RSRC2: variants seen among roughly 807,000 people sequenced by gnomAD.
The protein encoded by RSRC2 is arginine/serine-rich coiled-coil protein 2.
A neutral mutation model predicts 61.3 loss-of-function variants in RSRC2; 5 were observed. That is an observed-to-expected ratio of 0.08 (90% confidence interval 0.04 to 0.17). The LOEUF (loss-of-function observed/expected upper bound fraction) is 0.17, where lower values mean the gene tolerates loss of function less well. RSRC2 is among the 10% of genes least tolerant of loss of function. RSRC2 has a pLI of 1.00. For synonymous variants in RSRC2, 202 were observed against 166.5 expected (o/e 1.21, Z -1.64); for missense variants, 381 against 518.8 (o/e 0.73, Z 2.58).
At chr12:122,511,300 T>A (rs1593373153) in intron 6 of RSRC2, 112 bp from the exon 7 acceptor site, 1 of 678,950 alleles carries the variant, frequency 1.5e-6, no homozygotes, top group East Asian at 2.9e-5. Flanking sequence ...AATTTTAAAT[T>A]TTTAGCATCC....
chr12:122,506,599 G>A, intron 9 of RSRC2: 1 of 417,972 alleles, frequency 2.4e-6, no homozygotes, highest in Non-Finnish European at 4.3e-6. Context: ...GACAGAGCAA[G>A]CAGAGCAAAA....
chr12:122,526,223 G>A (rs879262928), intron 1 of RSRC2: 1 of 152,282 alleles, frequency 6.6e-6, no homozygotes, highest in East Asian at 1.9e-4. Flanking sequence ...TTCGGAAACC[G>A]CGCATCAGTC....
chr12:122,516,598 A>G (rs1958946896), intron 5 of RSRC2, among the ~76,000 whole-genome samples: 1 of 152,258 alleles, frequency 6.6e-6, no homozygotes, highest in East Asian at 1.9e-4. Flanking sequence ...AATAACATGC[A>G]AGGAGTTCTA....
At chr12:122,522,433 T>G in intron 1 of RSRC2, 134 bp from the exon 2 acceptor site, 1 of 836,010 alleles carries the variant, frequency 1.2e-6, no homozygotes, top group Non-Finnish European at 1.8e-6. Context: ...TCCAAGTAAC[T>G]AAATGTGCTT....
chr12:122,524,307 A>G (rs1959724800), intron 1 of RSRC2, among the ~76,000 whole-genome samples: 1 of 151,834 alleles, frequency 6.6e-6, no homozygotes, highest in Non-Finnish European at 1.5e-5. Flanking sequence ...TTACTTGCTG[A>G]GTGTTTGTAC....
chr12:122,504,648 T>A lies in RSRC2; in HGVS notation c.*879A>T, dbSNP rs886933983. On this transcript the variant is annotated 3_prime_UTR_variant, in exon 10 of 10. Coordinates refer to ENST00000331738, the MANE Select transcript of RSRC2 (RefSeq NM_023012.6). ...GTCTCAAAAAAACAAACAAAAAAAA[T>A]TTCTAATATTTTAATATTTTATAGT... 2 of 152,488 alleles carry A rather than the reference T, an allele frequency of 1.3e-5. No individual in the cohort carries two copies. The highest frequency in any genetic ancestry group is 1.9e-4 in the East Asian group (1 of 5,196). The allele number at this position is 152,488 out of a possible 1,614,324, so 9.4% of individuals were successfully genotyped here.
At chr12:122,519,125 G>T (rs1959137824) in intron 3 of RSRC2, 96 bp from the exon 4 acceptor site, 1 of 928,764 alleles carries the variant, frequency 1.1e-6, no homozygotes, top group South Asian at 1.4e-5. Flanking sequence ...TGCAACATTA[G>T]TAACCTTAGG....
chr12:122,525,808 T>TCAGTGACAAGAC (rs1960165706), intron 1 of RSRC2, among the ~76,000 whole-genome samples: 1 of 15,786 alleles, frequency 6.3e-5, no homozygotes, highest in Admixed American at 4.2e-4. Flanking sequence ...AGAGTTTTTT[T>TCAGTGACAAGAC]TTTTTTTTTT....
intron 3 of RSRC2, chr12:122,519,324 T>C (rs1959153037): frequency 3.2e-6 from 1 of 315,050 alleles, no homozygotes; most frequent in Non-Finnish European, 6.0e-6. Context: ...AGGAATCCCT[T>C]ATGTTTATCT....
chr12:122,511,217 A>G lies in RSRC2; in HGVS notation c.726-29T>C, dbSNP rs760334890. 8 of 1,491,306 alleles carry G rather than the reference A, an allele frequency of 5.4e-6. No homozygotes were observed. In the African/African-American group the frequency reaches 7.0e-5, roughly 13 times the overall value. The allele number at this position is 1,491,306 out of a possible 1,614,324, so 92.4% of individuals were successfully genotyped here. ...CAAAATTAATTTCAATGAATTTAAA[A>G]TAACACAATATAAAACCATTATGTA... On this transcript the variant is annotated intron_variant, in intron 6 of 9. Transcript: ENST00000331738.
intron 1 of RSRC2, chr12:122,523,802 G>A (rs892263031): frequency 2.0e-5 from 3 of 150,832 alleles, no homozygotes; most frequent in African/African-American, 5.0e-5. Context: ...GAAGTTGTGA[G>A]AGGTCGAGTT....
At chr12:122,519,097 T>G (rs747503217) in intron 3 of RSRC2, 68 bp from the exon 4 acceptor site, 1 of 1,313,004 alleles carries the variant, frequency 7.6e-7, no homozygotes, top group African/African-American at 1.5e-5. Flanking sequence ...TGGGTATCAG[T>G]AGACAAAAAT....
chr12:122,523,949 T>C (rs1959648087), intron 1 of RSRC2, among the ~76,000 whole-genome samples: 2 of 152,206 alleles, frequency 1.3e-5, no homozygotes, highest in Non-Finnish European at 2.9e-5. Flanking sequence ...GTGTTATTCC[T>C]CTAACAATGG....
chr12:122,521,975 TG>T, intron 2 of RSRC2, among the ~76,000 whole-genome samples, 167 bp downstream of exon 2: 1 of 152,320 alleles, frequency 6.6e-6, no homozygotes, highest in Non-Finnish European at 1.5e-5. Flanking sequence ...TTTGTATTTT[TG>T]GTCCTGGCTC....
chr12:122,525,628 T>C (rs1467668545), intron 1 of RSRC2, among the ~76,000 whole-genome samples: 1 of 152,188 alleles, frequency 6.6e-6, no homozygotes, highest in East Asian at 1.9e-4. Flanking sequence ...TGATGTAATT[T>C]TTTAGTCAGT....
chr12:122,511,236 TTATG>T (rs1219859563), intron 6 of RSRC2, 48 bp from the exon 7 acceptor site: 2 of 1,391,418 alleles, frequency 1.4e-6, no homozygotes, highest in African/African-American at 2.9e-5. Context: ...TATAAAACCA[TTATG>T]TATATATCTC....
At chr12:122,521,557 C>A in intron 2 of RSRC2, 129 bp from the exon 3 acceptor site, 2 of 736,944 alleles carry the variant, frequency 2.7e-6, no homozygotes, top group Non-Finnish European at 2.4e-6. Flanking sequence ...TTTCATGGCA[C>A]GGGTGGGATT....
rs1051886377 is a variant in RSRC2 at position 122,504,122 on chromosome 12, A to G, written c.*1405T>C. 6.6e-6 allele frequency: 1 copy of G among 152,308 alleles called. No homozygotes were observed. Among genetic ancestry groups the G allele is most frequent in the Middle Eastern group, 3.4e-3 (1 of 294 alleles). The allele number at this position is 152,308 out of a possible 1,614,324, so 9.4% of individuals were successfully genotyped here. A position where few individuals can be genotyped will look rare whatever the true frequency, so the allele number is the denominator to read the frequency against. On this transcript the variant is annotated 3_prime_UTR_variant, in exon 10 of 10. Coordinates refer to ENST00000331738, the MANE Select transcript of RSRC2 (RefSeq NM_023012.6). ...AAAAATACCTAATGAGCAAGTTGGC[A>G]AGACTTAATTCCAGCTTTTAAAATA... is the stretch of plus-strand genomic sequence containing the variant.
At position 122,503,618 on chromosome 12, in the gene RSRC2, T is replaced by C. The variant is rs1255307043; in HGVS notation, c.*1909A>G. 1 of 152,182 alleles carries C rather than the reference T, an allele frequency of 6.6e-6. No individual in the cohort carries two copies. Among genetic ancestry groups the C allele is most frequent in the Non-Finnish European group, 1.5e-5 (1 of 68,024 alleles). 9.4% of individuals were successfully genotyped at this position (152,182 alleles called of 1,614,324 possible). A position where few individuals can be genotyped will look rare whatever the true frequency, so the allele number is the denominator to read the frequency against. The stretch of plus-strand genomic sequence containing the variant: ...TCATGAACATTTTTAATAAGATTGA[T>C]TTAAAAAGGCAGAGCTTAATTGAAA... On this transcript the variant is annotated 3_prime_UTR_variant, in exon 10 of 10. Coordinates refer to ENST00000331738, the MANE Select transcript of RSRC2 (RefSeq NM_023012.6).
Sources: gnomAD v4.1 joint callset for allele counts (sites outside exome capture counted in the v4.1 genomes callset) on GRCh38, gnomAD v4.1.1 for gene constraint, MANE v1.5 for transcripts, NCBI Gene and HGNC (gene_info 2026-07-23, HGNC 2026-07-21) for gene names.